Variants in KCNMA1 observed in about 807,000 individuals in gnomAD.
KCNMA1 encodes potassium calcium-activated channel subfamily M alpha 1.
In KCNMA1, 29 loss-of-function variants were observed where a neutral mutation model predicts 140.0. That is an observed-to-expected ratio of 0.21 (90% CI 0.15 to 0.28). The LOEUF is 0.28. Among genes scored for constraint, KCNMA1 ranks in the 10% least tolerant of loss-of-function variants. The probability of loss-of-function intolerance (pLI) is 1.00; values close to 1 mark genes in which losing one functional copy is unlikely to be tolerated. For missense variants in KCNMA1, 880 were observed against 1,602.2 expected, an observed-to-expected ratio of 0.55 and a Z score of 7.70; for synonymous variants, 612 against 611.9, an observed-to-expected ratio of 1.00 and a Z score of 0.00.
chr10:77,021,881 A>G (rs2092901763), intron 16 of KCNMA1, among the ~76,000 whole-genome samples: 1 of 152,236 alleles, frequency 6.6e-6, no homozygotes, highest in Non-Finnish European at 1.5e-5. Context: ...TAGATACATA[A>G]AGATGCTCTT....
intron 2 of KCNMA1, among the ~76,000 whole-genome samples, chr10:77,312,591 A>G (rs906346888): frequency 6.6e-6 from 1 of 152,160 alleles, no homozygotes; most frequent in Non-Finnish European, 1.5e-5. Context: ...GTGACACTGC[A>G]CTCCAGTTTG....
chr10:77,520,947 G>A (rs142066432), intron 1 of KCNMA1, among the ~76,000 whole-genome samples: 1 of 152,310 alleles, frequency 6.6e-6, no homozygotes, highest in Non-Finnish European at 1.5e-5. Flanking sequence ...AATTCCAAAG[G>A]CTCAGCTGCA....
At chr10:77,564,525 G>C (rs745932629) in intron 1 of KCNMA1, among the ~76,000 whole-genome samples, 1 of 152,208 alleles carries the variant, frequency 6.6e-6, no homozygotes, top group Admixed American at 6.5e-5. Flanking sequence ...AAAGATTGAA[G>C]TGAACCAAGA....
intron 5 of KCNMA1, among the ~76,000 whole-genome samples, chr10:77,126,111 C>A (rs1211127301): frequency 6.6e-6 from 1 of 152,124 alleles, no homozygotes; most frequent in Non-Finnish European, 1.5e-5. Context: ...TTCATCTTCT[C>A]TATTTTATAA....
chr10:77,474,257 C>T (rs2154529472), intron 1 of KCNMA1, among the ~76,000 whole-genome samples: 1 of 152,280 alleles, frequency 6.6e-6, no homozygotes, highest in East Asian at 1.9e-4. Flanking sequence ...ATGTTCATAT[C>T]CTAATCCCCA....
chr10:77,373,688 T>A (rs912802076), intron 2 of KCNMA1: 2 of 152,194 alleles, frequency 1.3e-5, no homozygotes, highest in Admixed American at 1.3e-4. Context: ...TGGTCATCCA[T>A]GTTTCCAGTC....
intron 1 of KCNMA1, among the ~76,000 whole-genome samples, chr10:77,427,712 CATCCATTCATTTATTTATTTATTTATTT>C (rs1322183453): frequency 4.1e-5 from 3 of 73,264 alleles, no homozygotes; most frequent in Non-Finnish European, 6.1e-5. Flanking sequence ...CCTGAGCATC[CATCCATTCATTTATTTATTTATTTATTT>C]ATTTATTTAT....
rs764122447 is a variant in KCNMA1, at chr10:77,637,257, C to G, written c.378+8G>C. ...GCGCAGAGGGCGGGCGCCCGGGGCG[C>G]GCGTTACCTTCGTCTTGCCCCCGCA... is the stretch of plus-strand genomic sequence containing the variant. On this transcript the variant is annotated splice_region_variant and intron_variant, in intron 1 of 27. Transcript: ENST00000286628. 1 of 1,598,620 alleles carries G rather than the reference C, an allele frequency of 6.3e-7. No individual in the cohort carries two copies. Among genetic ancestry groups the G allele is most frequent in the Non-Finnish European group, 8.5e-7 (1 of 1,170,676 alleles).
At chr10:77,233,420 A>G (rs978850922) in intron 3 of KCNMA1, among the ~76,000 whole-genome samples, 1 of 152,238 alleles carries the variant, frequency 6.6e-6, no homozygotes, top group African/African-American at 2.4e-5. Context: ...CTTTATTTTT[A>G]TTAACCTCTA....
chr10:76,937,782 C>T (rs1242558935), intron 23 of KCNMA1, among the ~76,000 whole-genome samples: 3 of 152,176 alleles, frequency 2.0e-5, no homozygotes, highest in African/African-American at 7.2e-5. Context: ...ATGTCATTCC[C>T]TACTTGAGGC....
rs531850547 is a variant in KCNMA1, at chr10:77,601,141, A to G, written c.378+36124T>C. On this transcript the variant is annotated intron_variant, in intron 1 of 27. Coordinates refer to ENST00000286628, the MANE Select transcript of KCNMA1 (RefSeq NM_001161352.2). ...AGCCCTTGCCACCTTTGCAAAATGT[A>G]TTCAGAAACATGATCTCCTTTGAGC... 1.1e-3 allele frequency among the ~76,000 whole-genome samples: 167 copies of G among 152,290 alleles called. 3 individuals are homozygous for G. The South Asian group carries it at 0.032, about 29-fold the overall frequency.
At chr10:77,335,645 G>T (rs977103704) in intron 2 of KCNMA1, among the ~76,000 whole-genome samples, 2 of 152,098 alleles carry the variant, frequency 1.3e-5, no homozygotes, top group Non-Finnish European at 2.9e-5. Flanking sequence ...TGGAGGAGAG[G>T]AAAGAGTGGC....
chr10:77,596,538 G>A (rs186370765), intron 1 of KCNMA1, among the ~76,000 whole-genome samples: 85 of 152,254 alleles, frequency 5.6e-4, no homozygotes, highest in African/African-American at 1.9e-3. Context: ...GGGGTTGGGG[G>A]AACTGGCAAT....
chr10:77,633,289 T>C (rs578137237), intron 1 of KCNMA1, among the ~76,000 whole-genome samples: 1 of 151,734 alleles, frequency 6.6e-6, no homozygotes, highest in South Asian at 2.1e-4. Context: ...CACTCCAGCC[T>C]GGGTGACAGA....
At chr10:77,625,711 T>A (rs746173544) in intron 1 of KCNMA1, among the ~76,000 whole-genome samples, 2 of 152,240 alleles carry the variant, frequency 1.3e-5, no homozygotes, top group Non-Finnish European at 2.9e-5. Flanking sequence ...TAATACTCTG[T>A]TGTATGTACC....
chr10:77,582,777 G>A (rs1688798880), intron 1 of KCNMA1, among the ~76,000 whole-genome samples: 1 of 152,220 alleles, frequency 6.6e-6, no homozygotes, highest in South Asian at 2.1e-4. Context: ...CTTGGTGGTG[G>A]AGGCCTTGGC....
At chr10:77,636,152 C>T in intron 1 of KCNMA1, 1 of 1,361,894 alleles carries the variant, frequency 7.3e-7, no homozygotes, top group African/African-American at 1.5e-5. Flanking sequence ...CGCGTGAAGT[C>T]CCCTAGGATG....
chr10:77,586,195 A>G (rs2077230717), intron 1 of KCNMA1: 1 of 152,090 alleles, frequency 6.6e-6, no homozygotes, highest in Non-Finnish European at 1.5e-5. Flanking sequence ...CACTGGAGAG[A>G]CTCTGTGCCA....
At chr10:77,178,815 C>A (rs1015560979) in intron 5 of KCNMA1, among the ~76,000 whole-genome samples, 8 of 152,198 alleles carry the variant, frequency 5.3e-5, no homozygotes, top group Non-Finnish European at 1.0e-4. Flanking sequence ...CATATGAGTT[C>A]TCCTTGGAGC....
Sources: allele counts gnomAD v4.1 joint callset (sites outside exome capture counted in the v4.1 genomes callset), GRCh38; gene constraint gnomAD v4.1.1; transcripts MANE v1.5; gene names NCBI Gene and HGNC (gene_info 2026-07-23, HGNC 2026-07-21).